THSD4: variants seen among roughly 807,000 people sequenced by gnomAD.
THSD4 encodes thrombospondin type-1 domain-containing protein 4.
THSD4 carries 69 observed loss-of-function variants against 119.0 expected under a neutral mutation model. The ratio of observed to expected loss-of-function variants is 0.58; its 90% CI spans 0.48 to 0.71. The LOEUF (loss-of-function observed/expected upper bound fraction) is 0.71, where lower values mean the gene tolerates loss of function less well. THSD4 is among the 30% of genes least tolerant of loss of function. The probability of loss-of-function intolerance (pLI) is 0.00; values close to 1 mark genes in which losing one functional copy is unlikely to be tolerated. For missense variants in THSD4, 1,393 were observed against 1,391.1 expected (o/e 1.00, Z -0.02); for synonymous variants, 524 against 540.4 (o/e 0.97, Z 0.42).
intron 5 of THSD4, among the ~76,000 whole-genome samples, chr15:71,255,311 T>C (rs2044303587): frequency 6.6e-6 from 1 of 152,216 alleles, no homozygotes; most frequent in Non-Finnish European, 1.5e-5. Context: ...GATCATACTT[T>C]ATCCACAATA....
Position 71,295,705 on chromosome 15 carries a change from A to G in THSD4, c.1015+38990A>G, listed in dbSNP as rs1444848233. Among the ~76,000 whole-genome samples, 3 of 151,818 alleles carry G rather than the reference A, an allele frequency of 2.0e-5. No homozygotes were observed. In the East Asian group the frequency reaches 5.8e-4, roughly 29 times the overall value. On this transcript the variant is annotated intron_variant, in intron 6 of 17. Coordinates refer to ENST00000261862, the MANE Select transcript of THSD4 (RefSeq NM_024817.3). Reference sequence around the variant, plus strand: ...TCTTTAAAAAAAAAAAGCCAGCTCTATTGAGTCACATTTTACAATCAATGA... The same window carrying G: ...TCTTTAAAAAAAAAAAGCCAGCTCTGTTGAGTCACATTTTACAATCAATGA...
chr15:71,435,293 T>C (rs1445109167), intron 7 of THSD4, among the ~76,000 whole-genome samples: 2 of 152,206 alleles, frequency 1.3e-5, no homozygotes, highest in Non-Finnish European at 2.9e-5. Context: ...AGTGTCTTTT[T>C]TGCAAATTCC....
intron 7 of THSD4, among the ~76,000 whole-genome samples, chr15:71,580,647 GT>G (rs2049540629): frequency 6.6e-6 from 1 of 152,024 alleles, no homozygotes; most frequent in East Asian, 1.9e-4. Context: ...CCAACATGAA[GT>G]TCCACCACCA....
At chr15:71,690,246 G>C (rs1223122410) in intron 8 of THSD4, among the ~76,000 whole-genome samples, 1 of 152,196 alleles carries the variant, frequency 6.6e-6, no homozygotes, top group Non-Finnish European at 1.5e-5. Flanking sequence ...ATCTTTTGGT[G>C]GAACTGTCCT....
chr15:71,649,027 G>C (rs963191785), intron 7 of THSD4, among the ~76,000 whole-genome samples: 5 of 152,156 alleles, frequency 3.3e-5, no homozygotes, highest in African/African-American at 1.2e-4. Context: ...CATGTGTCTA[G>C]AAGAAAAGAC....
intron 1 of THSD4, among the ~76,000 whole-genome samples, chr15:71,107,143 T>C (rs2040277258): frequency 6.6e-6 from 1 of 152,246 alleles, no homozygotes. Context: ...CTAAAACCAA[T>C]GTGCCTTTCA....
chr15:71,224,251 G>C (rs1156239975), intron 4 of THSD4, among the ~76,000 whole-genome samples: 1 of 152,164 alleles, frequency 6.6e-6, no homozygotes, highest in African/African-American at 2.4e-5. Context: ...GGAGTGTCCA[G>C]GCGAGACTGG....
intron 7 of THSD4, among the ~76,000 whole-genome samples, chr15:71,554,689 C>G (rs920198060): frequency 6.6e-6 from 1 of 151,698 alleles, no homozygotes; most frequent in Non-Finnish European, 1.5e-5. Flanking sequence ...AGCCACCACA[C>G]CCAGCCTCTG....
At chr15:71,758,218 AT>A in intron 15 of THSD4, 143 bp downstream of exon 15, 1 of 1,078,444 alleles carries the variant, frequency 9.3e-7, no homozygotes, top group Non-Finnish European at 1.3e-6. Context: ...TGGAGAAGCT[AT>A]TTATATTTCT....
chr15:71,748,094 G>A (rs1198167944), intron 13 of THSD4, among the ~76,000 whole-genome samples: 2 of 152,198 alleles, frequency 1.3e-5, no homozygotes, highest in African/African-American at 4.8e-5. Context: ...GTATGACAGG[G>A]TGTGTCCAAC....
chr15:71,261,782 A>G (rs1242602515), intron 6 of THSD4, among the ~76,000 whole-genome samples: 1 of 152,232 alleles, frequency 6.6e-6, no homozygotes, highest in African/African-American at 2.4e-5. Context: ...AATGTGGATT[A>G]ATCAGCTATC....
At chr15:71,349,500 C>T (rs1343282780) in intron 6 of THSD4, among the ~76,000 whole-genome samples, 1 of 152,186 alleles carries the variant, frequency 6.6e-6, no homozygotes, top group Non-Finnish European at 1.5e-5. Flanking sequence ...TTTGCATCAC[C>T]TTTCTGTCTA....
At chr15:71,111,122 T>C, upstream of THSD4, 1 of 1,582,978 alleles carries the variant, frequency 6.3e-7, no homozygotes, top group Non-Finnish European at 8.6e-7. Flanking sequence ...ATTCCAAAAG[T>C]TGTCTTGTAC....
upstream of THSD4, among the ~76,000 whole-genome samples, chr15:71,114,059 A>T (rs1432999209): frequency 6.6e-6 from 1 of 152,164 alleles, no homozygotes; most frequent in Non-Finnish European, 1.5e-5. Context: ...GGTGCCTCCC[A>T]TCAAAATCTG....
intron 6 of THSD4, among the ~76,000 whole-genome samples, chr15:71,305,140 G>A (rs1448428913): frequency 2.0e-5 from 3 of 152,166 alleles, no homozygotes; most frequent in Non-Finnish European, 4.4e-5. Context: ...CAGAGCTGAT[G>A]GGTGATAGGA....
intron 14 of THSD4, among the ~76,000 whole-genome samples, chr15:71,752,717 A>G (rs1318627481): frequency 1.3e-5 from 2 of 152,206 alleles, no homozygotes; most frequent in Non-Finnish European, 2.9e-5. Context: ...CTGCAGTAAT[A>G]TATTTGAAGC....
At chr15:71,237,469 C>G (rs2044114784) in intron 4 of THSD4, among the ~76,000 whole-genome samples, 1 of 152,124 alleles carries the variant, frequency 6.6e-6, no homozygotes. Context: ...GAAAGATGGT[C>G]AATCCGGACT....
intron 6 of THSD4, among the ~76,000 whole-genome samples, chr15:71,395,019 A>G (rs1358139744): frequency 1.3e-5 from 2 of 152,164 alleles, no homozygotes; most frequent in Admixed American, 6.5e-5. Context: ...GGACAGGTGA[A>G]TAGAAGAAAC....
intron 6 of THSD4, among the ~76,000 whole-genome samples, chr15:71,397,743 C>G (rs2046471680): frequency 6.6e-6 from 1 of 152,220 alleles, no homozygotes; most frequent in African/African-American, 2.4e-5. Flanking sequence ...CTCTACCACT[C>G]TCTAGCAGTG....
Sources: allele counts gnomAD v4.1 joint callset (sites outside exome capture counted in the v4.1 genomes callset), GRCh38; gene constraint gnomAD v4.1.1; transcripts MANE v1.5; gene names NCBI Gene and HGNC (gene_info 2026-07-23, HGNC 2026-07-21).